VAV3: variants seen among roughly 807,000 people sequenced by gnomAD.
VAV3 encodes the protein guanine nucleotide exchange factor VAV3.
VAV3 carries 94 observed loss-of-function variants against 131.2 expected under a neutral mutation model. That is an observed-to-expected ratio of 0.72 (90% CI 0.61 to 0.85). The LOEUF (loss-of-function observed/expected upper bound fraction) is 0.85, where lower values mean the gene tolerates loss of function less well. Ranked by LOEUF, VAV3 falls within the 40% of genes least tolerant of loss-of-function variation. The pLI is 0.00. For synonymous variants in VAV3, 349 were observed against 342.0 expected, an observed-to-expected ratio of 1.02 and a Z score of -0.22; for missense variants, 939 against 1,002.7, an observed-to-expected ratio of 0.94 and a Z score of 0.86.
At chr1:107,857,457 A>G (rs1669527351) in intron 2 of VAV3, among the ~76,000 whole-genome samples, 1 of 152,168 alleles carries the variant, frequency 6.6e-6, no homozygotes, top group Non-Finnish European at 1.5e-5. Flanking sequence ...ATCCTAAGTT[A>G]ACTATAAATT....
intron 1 of VAV3, among the ~76,000 whole-genome samples, chr1:107,908,767 C>G (rs1486550933): frequency 6.7e-6 from 1 of 149,446 alleles, no homozygotes; most frequent in Non-Finnish European, 1.5e-5. Flanking sequence ...TAAGAAAAAG[C>G]AGTTGTTTTT....
chr1:107,758,717 T>G (rs1230227336), intron 10 of VAV3, among the ~76,000 whole-genome samples: 1 of 152,208 alleles, frequency 6.6e-6, no homozygotes, highest in Non-Finnish European at 1.5e-5. Context: ...CTCAGACTTC[T>G]GTGATGCCCC....
chr1:107,790,494 A>C lies in VAV3; in HGVS notation c.322-11002T>G, dbSNP rs75594729. ...GAAGGGTTACAGAGGAATGGCACAC[A>C]GTGCCAGAGGAGAGGAGAAGAAGGA... On this transcript the variant is annotated intron_variant, in intron 2 of 26. Transcript: ENST00000370056. Among the ~76,000 whole-genome samples, 598 of 152,354 alleles carry C rather than the reference A, an allele frequency of 3.9e-3. 2 individuals carry two copies. The highest frequency in any genetic ancestry group is 0.014 in the African/African-American group (575 of 41,590).
At chr1:107,668,651 A>C in intron 19 of VAV3, 8 of 985,442 alleles carry the variant, frequency 8.1e-6, no homozygotes, top group Non-Finnish European at 9.6e-6. Context: ...TCCTCATTGT[A>C]GTGAGAGAAA....
At chr1:107,653,311 T>A (rs1419170968) in intron 19 of VAV3, among the ~76,000 whole-genome samples, 1 of 151,836 alleles carries the variant, frequency 6.6e-6, no homozygotes, top group Non-Finnish European at 1.5e-5. Flanking sequence ...AAAATGCACA[T>A]AAATTGAACA....
intron 1 of VAV3, among the ~76,000 whole-genome samples, chr1:107,961,567 G>A (rs1159027656): frequency 6.6e-6 from 1 of 152,066 alleles, no homozygotes; most frequent in Non-Finnish European, 1.5e-5. Context: ...TTATTTAACT[G>A]TATTATATAA....
intron 19 of VAV3, among the ~76,000 whole-genome samples, chr1:107,652,048 G>A (rs1055534801): frequency 1.3e-5 from 2 of 152,124 alleles, no homozygotes; most frequent in Non-Finnish European, 2.9e-5. Flanking sequence ...AAATAAGGCT[G>A]ACACCTAGTG....
intron 24 of VAV3, among the ~76,000 whole-genome samples, chr1:107,597,226 TAAAAAAA>T: frequency 7.2e-6 from 1 of 138,048 alleles, no homozygotes; most frequent in African/African-American, 2.6e-5. Context: ...AAATAAAAAA[TAAAAAAA>T]AAAAAACAGA....
chr1:107,779,913 G>A (rs7521681), intron 2 of VAV3, among the ~76,000 whole-genome samples: 23,865 of 152,068 alleles, frequency 0.16, 2,047 homozygotes, highest in East Asian at 0.35. Context: ...TCCCAGTTCT[G>A]CAGTTGCACT....
chr1:107,619,030 G>C (rs1275842520), intron 20 of VAV3, among the ~76,000 whole-genome samples: 1 of 152,154 alleles, frequency 6.6e-6, no homozygotes, highest in Non-Finnish European at 1.5e-5. Context: ...GAATTGGAGG[G>C]AGAGAAACAC....
At chr1:107,790,265 C>T (rs1283813331) in intron 2 of VAV3, among the ~76,000 whole-genome samples, 3 of 152,224 alleles carry the variant, frequency 2.0e-5, no homozygotes, top group African/African-American at 7.2e-5. Flanking sequence ...TGCCTACACA[C>T]ATCAACTGTT....
chr1:107,667,674 G>T (rs770353779), intron 19 of VAV3, among the ~76,000 whole-genome samples: 7 of 151,930 alleles, frequency 4.6e-5, no homozygotes, highest in Non-Finnish European at 8.8e-5. Flanking sequence ...GCAACATCCT[G>T]CTTAAAACCC....
In VAV3 at chr1:107,888,705, C is replaced by T. The variant is rs1029321125; in HGVS notation, c.205-13688G>A. Among the ~76,000 whole-genome samples the T allele has an allele frequency of 5.9e-5, 9 of 152,184 alleles. No homozygotes were observed. The South Asian group carries it at 1.0e-3, about 17-fold the overall frequency. ...AACTTCTGACCTCAAGTGATCCCCC[C>T]GCCTCGGCCTCCCAAAGTGCTGGGA... On this transcript the variant is annotated intron_variant, in intron 1 of 26. Transcript: ENST00000370056.
At chr1:107,734,167 T>A (rs1443401372) in intron 15 of VAV3, among the ~76,000 whole-genome samples, 1 of 152,162 alleles carries the variant, frequency 6.6e-6, no homozygotes, top group Non-Finnish European at 1.5e-5. Flanking sequence ...TGCTGAGAGA[T>A]TTTGTCACCA....
At chr1:107,850,380 A>G (rs1167775973) in intron 2 of VAV3, among the ~76,000 whole-genome samples, 1 of 152,244 alleles carries the variant, frequency 6.6e-6, no homozygotes, top group Non-Finnish European at 1.5e-5. Flanking sequence ...ACCATGGGAT[A>G]CTGTGCACCC....
intron 19 of VAV3, among the ~76,000 whole-genome samples, chr1:107,653,217 C>T (rs11185157): frequency 0.053 from 8,043 of 151,736 alleles, 640 homozygotes; most frequent in African/African-American, 0.17. Context: ...TGACTCTGCA[C>T]CATCATTTCG....
intron 20 of VAV3, among the ~76,000 whole-genome samples, chr1:107,622,067 A>T (rs964888953): frequency 6.6e-6 from 1 of 152,224 alleles, no homozygotes; most frequent in African/African-American, 2.4e-5. Flanking sequence ...ATATTAAATT[A>T]TAATTCATAA....
At chr1:107,643,643 T>C (rs938549611) in intron 19 of VAV3, among the ~76,000 whole-genome samples, 2 of 152,260 alleles carry the variant, frequency 1.3e-5, no homozygotes, top group South Asian at 4.1e-4. Flanking sequence ...TGATTAACCA[T>C]GGTGAAGCTG....
chr1:107,944,185 T>C (rs1674135306), intron 1 of VAV3, among the ~76,000 whole-genome samples: 1 of 152,170 alleles, frequency 6.6e-6, no homozygotes, highest in Admixed American at 6.5e-5. Context: ...TTAACATATA[T>C]TGGAAACTGT....
Sources: allele counts gnomAD v4.1 joint callset (sites outside exome capture counted in the v4.1 genomes callset), GRCh38; gene constraint gnomAD v4.1.1; transcripts MANE v1.5; gene names NCBI Gene and HGNC (gene_info 2026-07-23, HGNC 2026-07-21).